STARD3: variants seen among roughly 807,000 people sequenced by gnomAD.
The protein encoded by STARD3 is StAR related lipid transfer domain containing 3, also known as stAR-related lipid transfer protein 3.
STARD3 carries 39 observed loss-of-function variants against 62.0 expected under a neutral mutation model. The observed-to-expected ratio is 0.63, with a 90% CI of 0.49 to 0.82. The LOEUF is 0.82. STARD3 is among the 40% of genes least tolerant of loss of function. The probability of loss-of-function intolerance (pLI) is 0.00; values close to 1 mark genes in which losing one functional copy is unlikely to be tolerated. For synonymous variants in STARD3, 229 were observed against 242.4 expected (o/e 0.94, Z 0.51); for missense variants, 543 against 584.5 (o/e 0.93, Z 0.73).
chr17:39,662,733 G>A lies in STARD3; in HGVS notation c.1234-71G>A, dbSNP rs982103793. On this transcript the variant is annotated intron_variant, in intron 14 of 14. Coordinates refer to ENST00000336308, the MANE Select transcript of STARD3 (RefSeq NM_006804.4). Reference sequence around the variant, plus strand: ...CATTCTGGCCCAGAGCCCCCCTGCTGGTGCCAGCTGCAAGGGGAGACCCTG... The same window carrying A: ...CATTCTGGCCCAGAGCCCCCCTGCTAGTGCCAGCTGCAAGGGGAGACCCTG... 77 of 1,427,896 alleles carry A rather than the reference G, an allele frequency of 5.4e-5. No homozygotes were observed. The Admixed American group carries it at 5.9e-4, about 11-fold the overall frequency. 88.5% of individuals were successfully genotyped at this position (1,427,896 alleles called of 1,614,324 possible).
chr17:39,658,750 C>T lies in STARD3; in HGVS notation c.576C>T (p.Ala192=), dbSNP rs1440882586. The change falls in exon 7 of 15, where the codon GCC becomes GCT. Residue 192 remains alanine, a synonymous_variant. Coordinates refer to ENST00000336308, the MANE Select transcript of STARD3 (RefSeq NM_006804.4). ...ATCTTGCCGCCCAGGTTGCTGTTGC[C>T]CGTGGACCCCTGCTGTTCTCCGGTG... ...RWYLAAQVAV[A]RGPLLFSGAL... 1 of 1,613,958 alleles carries T rather than the reference C, an allele frequency of 6.2e-7. No individual in the cohort carries two copies. Among genetic ancestry groups the T allele is most frequent in the African/African-American group, 1.3e-5 (1 of 74,998 alleles).
chr17:39,644,387 A>G (rs777713293), intron 1 of STARD3, among the ~76,000 whole-genome samples: 1 of 152,126 alleles, frequency 6.6e-6, no homozygotes, highest in Non-Finnish European at 1.5e-5. Flanking sequence ...GACGTTAACC[A>G]GTTACTCTGT....
At chr17:39,662,121 T>G in intron 13 of STARD3, 130 bp from the exon 14 acceptor site, 1 of 767,924 alleles carries the variant, frequency 1.3e-6, no homozygotes, top group South Asian at 1.7e-5. Flanking sequence ...TCAGATAGGG[T>G]AGCTCTGCCT....
chr17:39,660,652 G>T lies in STARD3; in HGVS notation c.954+126G>T. 1 of 1,367,734 alleles carries T rather than the reference G, an allele frequency of 7.3e-7. No individual in the cohort carries two copies. The highest frequency in any genetic ancestry group is 1.0e-6 in the Non-Finnish European group (1 of 972,808). 84.7% of individuals were successfully genotyped at this position (1,367,734 alleles called of 1,614,324 possible). A position where few individuals can be genotyped will look rare whatever the true frequency, so the allele number is the denominator to read the frequency against. On this transcript the variant is annotated intron_variant, in intron 11 of 14. Transcript: ENST00000336308. This position sits in a 1 kb window ranked among gnomAD's most constrained non-coding sequence, Gnocchi z 4.8. ...AGTGGGTGTGATGGTAACAGTGCCT[G>T]CTCGGGAGGGTCGGGAGGAGGGCAG...
At chr17:39,657,520 CTG>C (rs1244742283) in intron 3 of STARD3, among the ~76,000 whole-genome samples, 1 of 149,964 alleles carries the variant, frequency 6.7e-6, no homozygotes, top group African/African-American at 2.5e-5. Flanking sequence ...GAGCGAGACT[CTG>C]TCTCAAAAAA....
At chr17:39,648,049 G>T (rs1460974809) in intron 1 of STARD3, among the ~76,000 whole-genome samples, 1 of 152,174 alleles carries the variant, frequency 6.6e-6, no homozygotes, top group Non-Finnish European at 1.5e-5. Context: ...ACTTTGGGAG[G>T]CTGAGGCGGG....
chr17:39,645,625 A>G (rs1285892748), intron 1 of STARD3, among the ~76,000 whole-genome samples: 1 of 152,000 alleles, frequency 6.6e-6, no homozygotes, highest in Non-Finnish European at 1.5e-5. Flanking sequence ...ACACGCCACC[A>G]TGCCTGGCTA....
intron 1 of STARD3, among the ~76,000 whole-genome samples, chr17:39,637,748 C>T (rs1172707694): frequency 6.6e-6 from 1 of 152,176 alleles, no homozygotes; most frequent in African/African-American, 2.4e-5. Context: ...TCTAATGACA[C>T]GTTCCCTCAC....
rs538836362 is a variant in STARD3, at chr17:39,658,916, C to T, written c.646+96C>T. 7.7e-6 allele frequency: 12 copies of T among 1,563,866 alleles called. No individual in the cohort carries two copies. The African/African-American group carries it at 1.5e-4, about 19-fold the overall frequency. Reference sequence around the variant, plus strand: ...TTCTTTCTATTCCTTCTATCAGGCTCCCTGGGGAAAGCCAGCAACCCTCTC... The same window carrying T: ...TTCTTTCTATTCCTTCTATCAGGCTTCCTGGGGAAAGCCAGCAACCCTCTC... On this transcript the variant is annotated intron_variant, in intron 7 of 14. Coordinates refer to ENST00000336308, the MANE Select transcript of STARD3 (RefSeq NM_006804.4).
intron 1 of STARD3, among the ~76,000 whole-genome samples, chr17:39,648,873 G>A (rs747575967): frequency 9.2e-5 from 14 of 152,196 alleles, no homozygotes; most frequent in Non-Finnish European, 1.3e-4. Context: ...CTCCAAGTGC[G>A]TCTCACACCC....
At chr17:39,653,370 C>A in intron 1 of STARD3, 111 bp from the exon 2 acceptor site, 2 of 739,510 alleles carry the variant, frequency 2.7e-6, no homozygotes, top group Non-Finnish European at 2.2e-6. Context: ...GGGCCCTGGG[C>A]TTGGGACCCA....
At chr17:39,645,967 C>T (rs894972173) in intron 1 of STARD3, among the ~76,000 whole-genome samples, 1 of 130,318 alleles carries the variant, frequency 7.7e-6, no homozygotes, top group African/African-American at 2.9e-5. Context: ...TCTTGGCTCA[C>T]TGCAACCTTC....
At chr17:39,658,083 C>G (rs1326208823) in intron 5 of STARD3, 57 bp downstream of exon 5, 1 of 1,521,722 alleles carries the variant, frequency 6.6e-7, no homozygotes, top group African/African-American at 1.4e-5. Context: ...TGGTATGCTT[C>G]TAGAGAGGAG....
At chr17:39,662,534 GC>G (rs1334536555) in intron 14 of STARD3, 190 bp downstream of exon 14, 7 of 652,940 alleles carry the variant, frequency 1.1e-5, no homozygotes, top group Non-Finnish European at 1.6e-5. Context: ...TAGGGCATGT[GC>G]CCCCCCTTCT....
chr17:39,659,392 G>A (rs2057169357), intron 8 of STARD3, 69 bp from the exon 9 acceptor site: 5 of 1,471,704 alleles, frequency 3.4e-6, no homozygotes, highest in Non-Finnish European at 4.7e-6. Context: ...TCTAGAGAGA[G>A]AACAGGCCAC....
At chr17:39,646,832 C>T (rs1022953696) in intron 1 of STARD3, among the ~76,000 whole-genome samples, 2 of 152,200 alleles carry the variant, frequency 1.3e-5, no homozygotes, top group Non-Finnish European at 2.9e-5. Context: ...CCCTTTGCCT[C>T]ATGAATAATC....
intron 1 of STARD3, among the ~76,000 whole-genome samples, chr17:39,638,503 C>T (rs1282672210): frequency 1.3e-5 from 2 of 152,214 alleles, no homozygotes; most frequent in Non-Finnish European, 2.9e-5. Context: ...TTGCACACAC[C>T]AGCCCCCGCT....
At position 39,658,906 on chromosome 17, in the gene STARD3, CT is replaced by C. The variant is rs1320767445; in HGVS notation, c.646+87del. On this transcript the variant is annotated intron_variant, in intron 7 of 14. Coordinates refer to ENST00000336308, the MANE Select transcript of STARD3 (RefSeq NM_006804.4). ...GCTGGGTCTGTTCTTTCTATTCCTTCTATCAGGCTCCCTGGGGAAAGCCAGC... is the reference window on the plus strand; with the variant it reads ...GCTGGGTCTGTTCTTTCTATTCCTTCATCAGGCTCCCTGGGGAAAGCCAGC... 16 of 1,564,946 alleles carry C rather than the reference CT, an allele frequency of 1.0e-5. No individual in the cohort carries two copies. The East Asian group carries it at 3.6e-4, about 35-fold the overall frequency.
At chr17:39,654,505 C>G (rs764527962) in intron 2 of STARD3, among the ~76,000 whole-genome samples, 1 of 152,220 alleles carries the variant, frequency 6.6e-6, no homozygotes, top group Non-Finnish European at 1.5e-5. Flanking sequence ...AGCCTGGAGA[C>G]CAGAGCTGCC....
Sources: gnomAD v4.1 joint callset for allele counts (sites outside exome capture counted in the v4.1 genomes callset) on GRCh38, gnomAD v4.1.1 for gene constraint, Gnocchi (gnomAD v3.1) non-coding constraint, MANE v1.5 for transcripts, NCBI Gene and HGNC (gene_info 2026-07-23, HGNC 2026-07-21) for gene names.